Variants in ATXN1 observed in about 807,000 individuals in gnomAD.
The protein encoded by ATXN1 is ataxin-1.
ATXN1 carries 8 observed loss-of-function variants against 56.4 expected under a neutral mutation model. The ratio of observed to expected loss-of-function variants is 0.14; its 90% CI spans 0.08 to 0.26. ATXN1 has a LOEUF of 0.26. Ranked by LOEUF, ATXN1 falls within the 10% of genes least tolerant of loss-of-function variation. The pLI is 1.00. For missense variants in ATXN1, 987 were observed against 1,106.5 expected (o/e 0.89, Z 1.53); for synonymous variants, 514 against 494.6 (o/e 1.04, Z -0.52).
At chr6:16,752,501 G>C (rs1436615192) in intron 2 of ATXN1, among the ~76,000 whole-genome samples, 2 of 152,050 alleles carry the variant, frequency 1.3e-5, no homozygotes. Flanking sequence ...GTTTCAAGCA[G>C]GTCCATTTCC....
intron 4 of ATXN1, among the ~76,000 whole-genome samples, chr6:16,582,272 A>C (rs910162066): frequency 6.6e-6 from 1 of 152,108 alleles, no homozygotes; most frequent in Non-Finnish European, 1.5e-5. Flanking sequence ...ACCAGTTATG[A>C]TGGTGTTGAC....
intron 6 of ATXN1, among the ~76,000 whole-genome samples, chr6:16,415,694 C>T (rs150571347): frequency 2.1e-3 from 315 of 152,334 alleles, no homozygotes; most frequent in African/African-American, 7.3e-3. Context: ...AGCTGGGACA[C>T]CACAGGTAAC....
intron 2 of ATXN1, among the ~76,000 whole-genome samples, chr6:16,728,918 A>G (rs1759908605): frequency 6.6e-6 from 1 of 152,140 alleles, no homozygotes; most frequent in African/African-American, 2.4e-5. Context: ...TTCTCCTTCT[A>G]TTTATTCCTA....
intron 6 of ATXN1, among the ~76,000 whole-genome samples, chr6:16,340,444 G>A (rs1761220323): frequency 6.6e-6 from 1 of 152,166 alleles, no homozygotes; most frequent in South Asian, 2.1e-4. Flanking sequence ...ATCACTTCAT[G>A]GGCAGAGGGC....
At chr6:16,451,084 T>A (rs972897945) in intron 6 of ATXN1, among the ~76,000 whole-genome samples, 1 of 152,212 alleles carries the variant, frequency 6.6e-6, no homozygotes, top group Non-Finnish European at 1.5e-5. Context: ...CCGAAGTCAA[T>A]CTTTTCTAAG....
intron 3 of ATXN1, among the ~76,000 whole-genome samples, chr6:16,586,141 G>A (rs759788690): frequency 4.6e-5 from 7 of 152,044 alleles, no homozygotes; most frequent in Non-Finnish European, 1.0e-4. Flanking sequence ...GGATGAGTGG[G>A]TTCTGGCCAG....
chr6:16,391,731 T>G (rs577419862), intron 6 of ATXN1, among the ~76,000 whole-genome samples: 176 of 152,302 alleles, frequency 1.2e-3, no homozygotes, highest in African/African-American at 4.2e-3. Flanking sequence ...TCCTATGAAC[T>G]AGACTTTTCA....
In ATXN1 at chr6:16,559,813, C is replaced by T. The variant is rs938813720; in HGVS notation, c.-361+25967G>A. On this transcript the variant is annotated intron_variant, in intron 4 of 7. Coordinates refer to ENST00000436367, the MANE Select transcript of ATXN1 (RefSeq NM_001128164.2). ...ACTGAAATATAAAAGGAGCAAAGTACGTGGTCTAATTTTGGATAGCTTTGT... is the reference window on the plus strand; with the variant it reads ...ACTGAAATATAAAAGGAGCAAAGTATGTGGTCTAATTTTGGATAGCTTTGT... Among the ~76,000 whole-genome samples the T allele has an allele frequency of 7.2e-5, 11 of 151,948 alleles. No homozygotes were observed. The South Asian group carries it at 1.2e-3, about 17-fold the overall frequency.
intron 6 of ATXN1, among the ~76,000 whole-genome samples, chr6:16,445,274 A>G (rs1297117548): frequency 6.6e-6 from 1 of 152,194 alleles, no homozygotes; most frequent in Non-Finnish European, 1.5e-5. Flanking sequence ...GTGTATGAGA[A>G]GAAGAATCCT....
rs761436802 is a variant in ATXN1, at chr6:16,327,591, TG to T, written c.719del (p.Pro240HisfsTer37). Reference protein sequence around the residue: ...APGLITPGSPPPAQQNQYVHI... With the variant: ...APGLITPGSPXPAQQNQYVHI... ...GGACGTACTGGTTCTGCTGGGCTGG[TG>T]GGGGGGACCCCGGGGTGATGAGCCC... On this transcript the variant is annotated frameshift_variant, in exon 7 of 8. Transcript: ENST00000436367. LOFTEE classifies it high-confidence loss of function. The T allele has an allele frequency of 3.1e-6, 5 of 1,593,914 alleles. No individual in the cohort carries two copies. The highest frequency in any genetic ancestry group is 8.5e-7 in the Non-Finnish European group (1 of 1,171,586).
At chr6:16,514,109 T>A (rs150135688) in intron 5 of ATXN1, among the ~76,000 whole-genome samples, 2 of 152,036 alleles carry the variant, frequency 1.3e-5, no homozygotes, top group African/African-American at 4.8e-5. Flanking sequence ...CAGGCAGCTA[T>A]GAAGAGTGAC....
intron 2 of ATXN1, chr6:16,667,362 G>A (rs1758449751): frequency 6.6e-6 from 1 of 152,168 alleles, no homozygotes; most frequent in Non-Finnish European, 1.5e-5. Context: ...GTTTCAAAGT[G>A]AGGAGTTGGC....
chr6:16,438,608 T>C (rs1011452415), intron 6 of ATXN1, among the ~76,000 whole-genome samples: 1 of 152,226 alleles, frequency 6.6e-6, no homozygotes, highest in East Asian at 1.9e-4. Flanking sequence ...TACCAAGATA[T>C]TGTCTTTCTG....
chr6:16,399,123 T>G (rs928835680), intron 6 of ATXN1, among the ~76,000 whole-genome samples: 1 of 152,224 alleles, frequency 6.6e-6, no homozygotes, highest in Non-Finnish European at 1.5e-5. Context: ...CTTGTCAGGA[T>G]TTTTGAGATT....
Position 16,760,967 on chromosome 6 carries a change from A to AC in ATXN1, c.-730+330dup. Among the ~76,000 whole-genome samples the AC allele has an allele frequency of 7.1e-6, 1 of 140,016 alleles. No individual in the cohort carries two copies. Among genetic ancestry groups the AC allele is most frequent in the South Asian group, 2.4e-4 (1 of 4,220 alleles). The allele number at this position is 140,016 out of a possible 152,430, so 91.9% of individuals were successfully genotyped here. On this transcript the variant is annotated intron_variant, in intron 1 of 7. Coordinates refer to ENST00000436367, the MANE Select transcript of ATXN1 (RefSeq NM_001128164.2). The surrounding 1 kb of genome is among the most constrained non-coding windows in gnomAD (Gnocchi z 5.3). ...GCGCCCCCTAGCCCGGCGGGCGCCC[A>AC]CCCAGCCCCTGACAGCCCCCCCGCC...
At chr6:16,588,723 T>C (rs1208396712) in intron 3 of ATXN1, among the ~76,000 whole-genome samples, 2 of 152,070 alleles carry the variant, frequency 1.3e-5, no homozygotes, top group Non-Finnish European at 2.9e-5. Flanking sequence ...TGGGATTCAA[T>C]GGAAAGCTTT....
intron 3 of ATXN1, among the ~76,000 whole-genome samples, chr6:16,622,785 G>C (rs1763341235): frequency 6.6e-6 from 1 of 152,158 alleles, no homozygotes; most frequent in Admixed American, 6.5e-5. Flanking sequence ...GGCAGAAATA[G>C]CTGGTAGCTT....
chr6:16,574,667 C>T (rs1762390422), intron 4 of ATXN1, among the ~76,000 whole-genome samples: 1 of 152,150 alleles, frequency 6.6e-6, no homozygotes, highest in African/African-American at 2.4e-5. Flanking sequence ...AAAAATAGTA[C>T]AGAGCTCCCT....
At chr6:16,334,857 C>T (rs955846454) in intron 6 of ATXN1, among the ~76,000 whole-genome samples, 11 of 152,098 alleles carry the variant, frequency 7.2e-5, no homozygotes, top group African/African-American at 2.7e-4. Flanking sequence ...TGATCAGTTG[C>T]GCAAGAGGTC....
Sources: gnomAD v4.1 joint callset for allele counts (sites outside exome capture counted in the v4.1 genomes callset) on GRCh38, gnomAD v4.1.1 for gene constraint, Gnocchi (gnomAD v3.1) non-coding constraint, MANE v1.5 for transcripts, NCBI Gene and HGNC (gene_info 2026-07-23, HGNC 2026-07-21) for gene names.